The following MBNL3 variants were observed in gnomAD, a reference collection of about 807,000 sequenced individuals.
MBNL3 encodes muscleblind like splicing regulator 3, also known as muscleblind-like protein 3.
MBNL3 carries 6 observed loss-of-function variants against 24.5 expected under a neutral mutation model. The ratio of observed to expected loss-of-function variants is 0.25; its 90% CI spans 0.13 to 0.48. The LOEUF (loss-of-function observed/expected upper bound fraction) is 0.48, where lower values mean the gene tolerates loss of function less well. Among genes scored for constraint, MBNL3 ranks in the 20% least tolerant of loss-of-function variants. The pLI, the probability that MBNL3 is intolerant of heterozygous loss-of-function variation, is 0.99. For missense variants in MBNL3, 230 were observed against 293.5 expected (o/e 0.78, Z 1.58); for synonymous variants, 100 against 101.7 (o/e 0.98, Z 0.10).
chrX:132,474,611 A>G lies in MBNL3; in HGVS notation c.-704+14240T>C, dbSNP rs143233154. On this transcript the variant is annotated intron_variant, in intron 1 of 8. Coordinates refer to ENST00000370853, the MANE Select transcript of MBNL3 (RefSeq NM_001386889.1). ...AGACTGCACAATTAATACTGTGCAT[A>G]TTAACAGAGATGTTGCGCAAGTAGG... is the stretch of plus-strand genomic sequence containing the variant. Among the ~76,000 whole-genome samples, 823 of 111,692 alleles carry G rather than the reference A, an allele frequency of 7.4e-3. 4 individuals are homozygous for G. The highest frequency in any genetic ancestry group is 0.025 in the African/African-American group (777 of 30,705).
At chrX:132,470,215 G>C (rs1472947502) in intron 1 of MBNL3, among the ~76,000 whole-genome samples, 2 of 111,447 alleles carry the variant, frequency 1.8e-5, no homozygotes, top group Non-Finnish European at 3.8e-5. Context: ...GGCAATAAAG[G>C]TAATGGTGTT....
intron 3 of MBNL3, among the ~76,000 whole-genome samples, chrX:132,396,151 C>T (rs896625842): frequency 2.2e-4 from 24 of 107,780 alleles, no homozygotes; most frequent in Non-Finnish European, 3.6e-4. Flanking sequence ...ATATTTGTTT[C>T]CTCTCTTGTT....
chrX:132,420,288 G>A (rs1358310017), intron 2 of MBNL3, among the ~76,000 whole-genome samples: 6 of 112,177 alleles, frequency 5.3e-5, no homozygotes, highest in African/African-American at 1.6e-4. Context: ...GCTGGATCAG[G>A]AGCGCAGCAG....
rs1933774123 is a variant in MBNL3, at chrX:132,373,059, A to G, written c.*6607T>C. ...TTGGGGGGGGGCCTCAGTTACATCC[A>G]TTTGTTTTACTTAATTCCCCAATTT... On this transcript the variant is annotated 3_prime_UTR_variant, in exon 9 of 9. Coordinates refer to ENST00000370853, the MANE Select transcript of MBNL3 (RefSeq NM_001386889.1). The G allele has an allele frequency of 9.1e-6, 1 of 109,802 alleles. No individual in the cohort carries two copies. Among genetic ancestry groups the G allele is most frequent in the Non-Finnish European group, 1.9e-5 (1 of 52,528 alleles). 9.0% of individuals were successfully genotyped at this position (109,802 alleles called of 1,213,427 possible).
chrX:132,427,376 T>C (rs1191665248), intron 2 of MBNL3, among the ~76,000 whole-genome samples: 1 of 111,005 alleles, frequency 9.0e-6, no homozygotes, highest in African/African-American at 3.3e-5. Flanking sequence ...TTTTGGTTAG[T>C]AAAAAAAGTA....
rs747672173 is a variant in MBNL3 at position 132,394,877 on chromosome X, G to GA, written c.343-2544dup. Among the ~76,000 whole-genome samples the GA allele has an allele frequency of 4.5e-5, 5 of 111,347 alleles. No homozygotes were observed. In the South Asian group the frequency reaches 1.1e-3, roughly 25 times the overall value. On this transcript the variant is annotated intron_variant, in intron 3 of 8. Coordinates refer to ENST00000370853, the MANE Select transcript of MBNL3 (RefSeq NM_001386889.1). Reference sequence around the variant, plus strand: ...GTTTGTTATATGCTCCAAGTGTATGGAAAAAAAGGCTATAAATTAATGATT... The same window carrying GA: ...GTTTGTTATATGCTCCAAGTGTATGGAAAAAAAAGGCTATAAATTAATGATT...
At chrX:132,426,599 T>G (rs778082923) in intron 2 of MBNL3, among the ~76,000 whole-genome samples, 1 of 111,416 alleles carries the variant, frequency 9.0e-6, no homozygotes, top group South Asian at 3.8e-4. Context: ...TTGCTCAGGT[T>G]ATCCCCTCTG....
intron 3 of MBNL3, among the ~76,000 whole-genome samples, chrX:132,405,236 A>G (rs780533946): frequency 4.5e-5 from 5 of 111,980 alleles, no homozygotes; most frequent in Non-Finnish European, 9.4e-5. Context: ...AAGTTAAGGG[A>G]AAGCCACTAT....
At chrX:132,449,464 C>CTTTTTTTTTT (rs751006249) in intron 1 of MBNL3, among the ~76,000 whole-genome samples, 1 of 29,782 alleles carries the variant, frequency 3.4e-5, no homozygotes, top group Non-Finnish European at 5.2e-5. Flanking sequence ...GCAACCCCTG[C>CTTTTTTTTTT]TTTTTTTTTT....
At chrX:132,389,622 C>T (rs1205809435) in intron 5 of MBNL3, among the ~76,000 whole-genome samples, 1 of 110,911 alleles carries the variant, frequency 9.0e-6, no homozygotes, top group Non-Finnish European at 1.9e-5. Flanking sequence ...AGTGCTTTTT[C>T]CACACCCAGG....
At chrX:132,384,637 G>A (rs1414949081) in intron 7 of MBNL3, 26 bp downstream of exon 7, 1 of 1,175,152 alleles carries the variant, frequency 8.5e-7, no homozygotes, top group Non-Finnish European at 1.2e-6. Flanking sequence ...ATTAGAAAAT[G>A]TTGATAATTT....
chrX:132,413,682 T>C (rs1001217594), intron 2 of MBNL3: 12 of 929,407 alleles, frequency 1.3e-5, no homozygotes, highest in Non-Finnish European at 1.4e-5. Flanking sequence ...CTCGCTACCC[T>C]GGCAGCCACT....
chrX:132,403,975 A>G lies in MBNL3; in HGVS notation c.342+2253T>C, dbSNP rs1359160767. Among the ~76,000 whole-genome samples, 5 of 111,218 alleles carry G rather than the reference A, an allele frequency of 4.5e-5. No individual in the cohort carries two copies. In the South Asian group the frequency reaches 1.1e-3, roughly 26 times the overall value. ...ATTGTGAGTTAAAATCTCCCTTGCT[A>G]TACCTTTGACCAACATCTTCCCCCA... On this transcript the variant is annotated intron_variant, in intron 3 of 8. Coordinates refer to ENST00000370853, the MANE Select transcript of MBNL3 (RefSeq NM_001386889.1).
intron 1 of MBNL3, among the ~76,000 whole-genome samples, chrX:132,464,836 C>T (rs1026058332): frequency 3.6e-5 from 4 of 111,421 alleles, no homozygotes; most frequent in African/African-American, 9.8e-5. Flanking sequence ...ATCAGGAGTT[C>T]GAGACCAGCC....
intron 1 of MBNL3, among the ~76,000 whole-genome samples, chrX:132,466,788 T>C (rs1199906964): frequency 9.0e-6 from 1 of 111,597 alleles, no homozygotes; most frequent in Non-Finnish European, 1.9e-5. Flanking sequence ...AGAGCACCAA[T>C]GGCCTGGTCG....
intron 1 of MBNL3, among the ~76,000 whole-genome samples, chrX:132,449,344 G>A (rs1482167765): frequency 3.6e-5 from 4 of 110,523 alleles, no homozygotes; most frequent in African/African-American, 1.3e-4. Context: ...TATATATTTA[G>A]GATAGTTAGC....
rs747913905 is a variant in MBNL3, at chrX:132,449,561, G to T, written c.-703-9247C>A. Among the ~76,000 whole-genome samples the T allele has an allele frequency of 4.0e-5, 4 of 100,463 alleles. No individual in the cohort carries two copies. In the East Asian group the frequency reaches 9.7e-4, roughly 24 times the overall value. 87.2% of individuals were successfully genotyped at this position (100,463 alleles called of 115,157 possible). A position where few individuals can be genotyped will look rare whatever the true frequency, so the allele number is the denominator to read the frequency against. On this transcript the variant is annotated intron_variant, in intron 1 of 8. Transcript: ENST00000370853. The stretch of plus-strand genomic sequence containing the variant: ...TATGTGTGTCTCTGCACATGAGATG[G>T]GTCTCCTGAATACAGCACACTGATG...
At chrX:132,381,337 A>G (rs750608363) in intron 8 of MBNL3, 4 of 966,912 alleles carry the variant, frequency 4.1e-6, no homozygotes, top group Non-Finnish European at 5.7e-6. Context: ...TATTATTTAT[A>G]TTAATACTGA....
At position 132,386,816 on chromosome X, in the gene MBNL3, G is replaced by A. The variant is rs185006165; in HGVS notation, c.772-5C>T. ...CAGTGTACCAGGCTGCAGGGCCTGT[G>A]GGGGGAGAGATGGTACTAGTACTAG... On this transcript the variant is annotated splice_polypyrimidine_tract_variant and splice_region_variant and intron_variant, in intron 5 of 8. Transcript: ENST00000370853. The A allele has an allele frequency of 7.5e-6, 9 of 1,204,807 alleles. No homozygotes were observed. The South Asian group carries it at 1.1e-4, about 14-fold the overall frequency.
Sources: allele counts gnomAD v4.1 joint callset (sites outside exome capture counted in the v4.1 genomes callset), GRCh38; gene constraint gnomAD v4.1.1; transcripts MANE v1.5; gene names NCBI Gene and HGNC (gene_info 2026-07-23, HGNC 2026-07-21).